The following SEMA3A variants were observed in gnomAD, a reference collection of about 807,000 sequenced individuals.
SEMA3A encodes semaphorin 3A, also known as semaphorin-3A.
In SEMA3A, 29 loss-of-function variants were observed where a neutral mutation model predicts 97.9. That is an observed-to-expected ratio of 0.30 (90% CI 0.22 to 0.40). The LOEUF is 0.40. Among genes scored for constraint, SEMA3A ranks in the 10% least tolerant of loss-of-function variants. The probability of loss-of-function intolerance (pLI) is 1.00; values close to 1 mark genes in which losing one functional copy is unlikely to be tolerated. For synonymous variants in SEMA3A, 321 were observed against 323.7 expected (o/e 0.99, Z 0.09); for missense variants, 763 against 951.3 (o/e 0.80, Z 2.60).
intron 4 of SEMA3A, among the ~76,000 whole-genome samples, chr7:84,078,591 A>ATGAGG (rs1220199211): frequency 5.3e-5 from 8 of 152,022 alleles, no homozygotes; most frequent in African/African-American, 1.7e-4. Flanking sequence ...TGGAGGTACT[A>ATGAGG]TATAGTTTAG....
intron 3 of SEMA3A, among the ~76,000 whole-genome samples, chr7:84,281,851 C>T (rs1282067304): frequency 6.6e-6 from 1 of 152,094 alleles, no homozygotes; most frequent in African/African-American, 2.4e-5. Flanking sequence ...TATGGCAATA[C>T]TTGGTTGGCA....
chr7:84,138,225 CT>C (rs776980250), intron 1 of SEMA3A, among the ~76,000 whole-genome samples: 4 of 149,188 alleles, frequency 2.7e-5, no homozygotes, highest in East Asian at 2.0e-4. Flanking sequence ...TATTTTTTTT[CT>C]TTTTTTTTAA....
At chr7:84,152,428 A>ATACT (rs1796701200) in intron 1 of SEMA3A, among the ~76,000 whole-genome samples, 1 of 143,644 alleles carries the variant, frequency 7.0e-6, no homozygotes. Flanking sequence ...CATTCTCAGT[A>ATACT]AACTGTCGCA....
chr7:84,088,907 T>C (rs1431308700), intron 4 of SEMA3A, among the ~76,000 whole-genome samples: 1 of 152,108 alleles, frequency 6.6e-6, no homozygotes, highest in Non-Finnish European at 1.5e-5. Flanking sequence ...TGTTCTTTCA[T>C]GTTAATGTTT....
rs527650693 is a variant in SEMA3A, at chr7:84,339,674, A to C, written c.-169+32150T>G. Among the ~76,000 whole-genome samples, 163 of 152,308 alleles carry C rather than the reference A, an allele frequency of 1.1e-3. 6 individuals are homozygous for C. In the South Asian group the frequency reaches 0.033, roughly 31 times the overall value. ...ATTTTGATTGGGGCATTTGGGTTCC[A>C]CTTATACAATTAACTATAAGGGCAA... is the stretch of plus-strand genomic sequence containing the variant. On this transcript the variant is annotated intron_variant, in intron 2 of 3. Transcript: ENST00000424555.
chr7:84,149,020 G>T (rs1796549007), intron 1 of SEMA3A, among the ~76,000 whole-genome samples: 1 of 152,092 alleles, frequency 6.6e-6, no homozygotes, highest in South Asian at 2.1e-4. Flanking sequence ...GTGGATTTTT[G>T]ACTGCACAAA....
chr7:84,486,871 G>C (rs1806587229), intron 1 of SEMA3A, among the ~76,000 whole-genome samples: 1 of 151,980 alleles, frequency 6.6e-6, no homozygotes, highest in Non-Finnish European at 1.5e-5. Context: ...TAAAATTCAA[G>C]CATATTAGTG....
At chr7:84,095,367 A>ATTT (rs1794742631) in intron 4 of SEMA3A, among the ~76,000 whole-genome samples, 1 of 50,506 alleles carries the variant, frequency 2.0e-5, no homozygotes, top group African/African-American at 3.9e-5. Context: ...ACATATATAT[A>ATTT]TATATATATA....
At chr7:84,478,417 T>C (rs1328020928) in intron 1 of SEMA3A, among the ~76,000 whole-genome samples, 3 of 152,144 alleles carry the variant, frequency 2.0e-5, no homozygotes, top group Non-Finnish European at 2.9e-5. Context: ...ACAAAACTTT[T>C]TGCAACTTTG....
At chr7:84,262,135 G>A (rs1049516974) in intron 3 of SEMA3A, among the ~76,000 whole-genome samples, 5 of 151,894 alleles carry the variant, frequency 3.3e-5, no homozygotes, top group African/African-American at 9.7e-5. Context: ...TTATATCAAT[G>A]GAGAAACCAT....
intron 1 of SEMA3A, among the ~76,000 whole-genome samples, chr7:84,416,372 G>T (rs942056385): frequency 1.3e-5 from 2 of 152,042 alleles, no homozygotes; most frequent in Non-Finnish European, 2.9e-5. Context: ...CCAGCCATGT[G>T]GAACTGTAAG....
chr7:84,176,086 T>C (rs958741882), intron 1 of SEMA3A, among the ~76,000 whole-genome samples: 1 of 133,980 alleles, frequency 7.5e-6, no homozygotes, highest in Non-Finnish European at 1.7e-5. Context: ...AGAACAATTA[T>C]GTCTATTTAG....
At chr7:84,220,361 T>C (rs1327735406) in intron 3 of SEMA3A, among the ~76,000 whole-genome samples, 9 of 152,128 alleles carry the variant, frequency 5.9e-5, no homozygotes, top group Admixed American at 5.2e-4. Flanking sequence ...AAGTCATCCA[T>C]GAGGATTGGA....
At chr7:83,970,133 A>G (rs2116282037) in intron 15 of SEMA3A, among the ~76,000 whole-genome samples, 1 of 152,318 alleles carries the variant, frequency 6.6e-6, no homozygotes, top group South Asian at 2.1e-4. Flanking sequence ...AATTATTTTA[A>G]AAGCACCACA....
At chr7:84,321,872 GA>G (rs1156548285) in intron 2 of SEMA3A, among the ~76,000 whole-genome samples, 220 of 12,072 alleles carry the variant, frequency 0.018, 2 homozygotes, top group African/African-American at 0.044. Flanking sequence ...CGAGACTACG[GA>G]AAAAAAAAAA....
intron 1 of SEMA3A, among the ~76,000 whole-genome samples, chr7:84,416,271 G>A (rs1021256742): frequency 5.9e-5 from 9 of 151,978 alleles, no homozygotes; most frequent in South Asian, 2.1e-4. Context: ...TGGGTGTATC[G>A]AGGATTTCCA....
At chr7:84,471,346 T>C (rs1738860302) in intron 1 of SEMA3A, among the ~76,000 whole-genome samples, 1 of 152,138 alleles carries the variant, frequency 6.6e-6, no homozygotes, top group South Asian at 2.1e-4. Flanking sequence ...TCATCATATT[T>C]ATATTTCACT....
intron 1 of SEMA3A, among the ~76,000 whole-genome samples, chr7:84,166,881 C>CAAA (rs11476617): frequency 5.8e-5 from 5 of 85,506 alleles, no homozygotes; most frequent in South Asian, 8.5e-4. Flanking sequence ...TCCTCTGTCT[C>CAAA]AAAAAAAAAA....
intron 2 of SEMA3A, among the ~76,000 whole-genome samples, chr7:84,319,188 T>C (rs1801587020): frequency 6.6e-6 from 1 of 152,086 alleles, no homozygotes. Context: ...TATTAGAAAA[T>C]TATTCGACCT....
Sources: allele counts gnomAD v4.1 joint callset (sites outside exome capture counted in the v4.1 genomes callset), GRCh38; gene constraint gnomAD v4.1.1; transcripts MANE v1.5; gene names NCBI Gene and HGNC (gene_info 2026-07-23, HGNC 2026-07-21).